ANK3: variants seen among roughly 807,000 people sequenced by gnomAD.
ANK3 encodes the protein ankyrin-3.
A neutral mutation model predicts 370.9 loss-of-function variants in ANK3; 57 were observed. The observed-to-expected ratio is 0.15, with a 90% CI of 0.12 to 0.19. The LOEUF is 0.19. Ranked by LOEUF, ANK3 falls within the 10% of genes least tolerant of loss-of-function variation. The probability of loss-of-function intolerance (pLI) is 1.00; values close to 1 mark genes in which losing one functional copy is unlikely to be tolerated. For synonymous variants in ANK3, 1,929 were observed against 1,946.3 expected, an observed-to-expected ratio of 0.99 and a Z score of 0.23; for missense variants, 4,439 against 5,302.1, an observed-to-expected ratio of 0.84 and a Z score of 5.06.
chr10:60,723,996 G>C (rs2132027968), intron 1 of ANK3, among the ~76,000 whole-genome samples: 1 of 148,256 alleles, frequency 6.7e-6, no homozygotes, highest in Middle Eastern at 3.4e-3. Flanking sequence ...TGATCACGAG[G>C]TCAGGAAATC....
Position 60,213,529 on chromosome 10 carries a change from ATCACC to A in ANK3, c.898-24_898-20del. 6.6e-7 allele frequency: 1 copy of A among 1,522,098 alleles called. No homozygotes were observed. Among genetic ancestry groups the A allele is most frequent in the Non-Finnish European group, 9.0e-7 (1 of 1,110,314 alleles). The allele number at this position is 1,522,098 out of a possible 1,614,324, so 94.3% of individuals were successfully genotyped here. A position where few individuals can be genotyped will look rare whatever the true frequency, so the allele number is the denominator to read the frequency against. On this transcript the variant is annotated intron_variant, in intron 8 of 43. Coordinates refer to ENST00000280772, the MANE Select transcript of ANK3 (RefSeq NM_020987.5). Reference sequence around the variant, plus strand: ...GACCATCCTGTTGAACAAAGGAAACATCACCAATTAAATTTGACAATAAATTCTAT... The same window carrying A: ...GACCATCCTGTTGAACAAAGGAAACAAATTAAATTTGACAATAAATTCTAT...
Position 60,070,707 on chromosome 10 carries a change from T to G in ANK3, c.10174A>C (p.Ile3392Leu). 1.2e-6 allele frequency: 2 copies of G among 1,614,204 alleles called. No individual in the cohort carries two copies. Among genetic ancestry groups the G allele is most frequent in the Non-Finnish European group, 8.5e-7 (1 of 1,180,026 alleles). The change falls in exon 37 of 44, where the codon ATC (isoleucine) becomes CTC (leucine). Residue 3392 changes from isoleucine to leucine, a missense_variant. Ile to Leu is a conservative substitution (Grantham distance 5). Coordinates refer to ENST00000280772, the MANE Select transcript of ANK3 (RefSeq NM_020987.5). The surrounding 1 kb of genome is among the most constrained non-coding windows in gnomAD (Gnocchi z 5.7). ...GTGGTGGCAATGGAACACTCTGTGATGGACTGGTCGTTGTTCCCATTCTGG... is the reference window on the plus strand; with the variant it reads ...GTGGTGGCAATGGAACACTCTGTGAGGGACTGGTCGTTGTTCCCATTCTGG... ...IAQNGNNDQSITECSIATTAE... is the reference protein window; with the variant it reads ...IAQNGNNDQSLTECSIATTAE...
chr10:60,642,997 C>T (rs528582912), intron 1 of ANK3, among the ~76,000 whole-genome samples: 180 of 152,116 alleles, frequency 1.2e-3, no homozygotes, highest in Admixed American at 2.2e-3. Flanking sequence ...ATTATTTTCA[C>T]TCTTATATTT....
intron 7 of ANK3, among the ~76,000 whole-genome samples, chr10:60,259,475 G>GT (rs1473505625): frequency 6.6e-5 from 10 of 152,226 alleles, no homozygotes; most frequent in African/African-American, 2.4e-4. Flanking sequence ...AAAGCACAGT[G>GT]TAAGTATTTT....
chr10:60,444,117 G>C lies in ANK3; in HGVS notation c.97-164478C>G, dbSNP rs574253538. On this transcript the variant is annotated intron_variant, in intron 2 of 43. Transcript: ENST00000373827. ...TAGCATGGGCACTTCTCAGTAATGG[G>C]ATTGTGTTTATTTTCTTCTTTTGGC... Among the ~76,000 whole-genome samples the C allele has an allele frequency of 2.6e-5, 4 of 151,584 alleles. No homozygotes were observed. In the East Asian group the frequency reaches 7.8e-4, roughly 29 times the overall value.
intron 1 of ANK3, among the ~76,000 whole-genome samples, chr10:60,672,584 C>G (rs1299493782): frequency 6.6e-6 from 1 of 152,220 alleles, no homozygotes; most frequent in East Asian, 1.9e-4. Context: ...AGGACCCTTC[C>G]AGACCTCACC....
Position 60,301,281 on chromosome 10 carries a change from C to T in ANK3, c.115-21642G>A, listed in dbSNP as rs973011130. 3.3e-5 allele frequency among the ~76,000 whole-genome samples: 5 copies of T among 149,272 alleles called. No individual in the cohort carries two copies. In the South Asian group the frequency reaches 1.1e-3, roughly 32 times the overall value. Reference sequence around the variant, plus strand: ...ACATGCACGCACACATATACACACGCACACATATACACACACATACATATA... The same window carrying T: ...ACATGCACGCACACATATACACACGTACACATATACACACACATACATATA... On this transcript the variant is annotated intron_variant, in intron 1 of 43. Coordinates refer to ENST00000280772, the MANE Select transcript of ANK3 (RefSeq NM_020987.5).
intron 2 of ANK3, among the ~76,000 whole-genome samples, chr10:60,490,189 A>G (rs1350491321): frequency 6.6e-6 from 1 of 151,264 alleles, no homozygotes; most frequent in Non-Finnish European, 1.5e-5. Flanking sequence ...CAAAGCATGA[A>G]TGTCTCAGCT....
At chr10:60,481,802 C>G (rs2075224658) in intron 2 of ANK3, among the ~76,000 whole-genome samples, 1 of 152,126 alleles carries the variant, frequency 6.6e-6, no homozygotes, top group African/African-American at 2.4e-5. Context: ...AACTGGAGAG[C>G]AAAAGCCGTC....
chr10:60,524,721 G>T (rs1340248876), intron 2 of ANK3, among the ~76,000 whole-genome samples: 1 of 152,024 alleles, frequency 6.6e-6, no homozygotes, highest in Non-Finnish European at 1.5e-5. Context: ...AAAAGCTGCT[G>T]ACTAAAACCA....
At chr10:60,278,325 TCACA>T (rs2098118588) in intron 4 of ANK3, among the ~76,000 whole-genome samples, 1 of 152,194 alleles carries the variant, frequency 6.6e-6, no homozygotes, top group Non-Finnish European at 1.5e-5. Context: ...AATCTCTCTC[TCACA>T]CACATATATA....
At chr10:60,492,360 T>C (rs2075530196) in intron 2 of ANK3, among the ~76,000 whole-genome samples, 1 of 152,126 alleles carries the variant, frequency 6.6e-6, no homozygotes, top group African/African-American at 2.4e-5. Context: ...GGGATAATGA[T>C]TGTCCTGAGA....
chr10:60,082,154 T>A lies in ANK3; in HGVS notation c.4346A>T (p.Asp1449Val). 6.2e-7 allele frequency: 1 copy of A among 1,610,342 alleles called. No individual in the cohort carries two copies. Among genetic ancestry groups the A allele is most frequent in the Non-Finnish European group, 8.5e-7 (1 of 1,177,920 alleles). The part of the protein sequence containing the change: ...HKKETESDQD[D>V]EIEKTDRRQS... ...AAGCAGAAGTGTTTATATTACCTCATCATCTTGATCTGACTCTGTCTCCTT... is the reference window on the plus strand; with the variant it reads ...AAGCAGAAGTGTTTATATTACCTCAACATCTTGATCTGACTCTGTCTCCTT... Residue 1449 changes from aspartate (D) to valine (V), a missense_variant, in exon 35 of 44, where the codon GAT becomes GTT. Physicochemically the swap from Asp to Val is radical, Grantham distance 152 (BLOSUM62 -3). Transcript: ENST00000280772.
At chr10:60,538,553 G>A (rs2076774613) in intron 2 of ANK3, among the ~76,000 whole-genome samples, 1 of 151,828 alleles carries the variant, frequency 6.6e-6, no homozygotes, top group Admixed American at 6.6e-5. Flanking sequence ...CAAGTATCCA[G>A]TCATGCATAT....
chr10:60,336,580 T>C (rs2052979594), intron 1 of ANK3, among the ~76,000 whole-genome samples: 1 of 151,852 alleles, frequency 6.6e-6, no homozygotes, highest in Admixed American at 6.6e-5. Context: ...TCTATCTATC[T>C]ATCTATCTAT....
At chr10:60,110,053 C>G (rs143646747) in intron 26 of ANK3, among the ~76,000 whole-genome samples, 1 of 152,254 alleles carries the variant, frequency 6.6e-6, no homozygotes, top group East Asian at 1.9e-4. Context: ...CAGATTACTA[C>G]TAGCACAGTA....
At chr10:60,571,650 C>T (rs2077602787) in intron 2 of ANK3, among the ~76,000 whole-genome samples, 1 of 152,140 alleles carries the variant, frequency 6.6e-6, no homozygotes, top group Non-Finnish European at 1.5e-5. Context: ...GTTACAGATG[C>T]ACAACTGTCT....
chr10:60,330,077 A>T (rs970612824), intron 1 of ANK3, among the ~76,000 whole-genome samples: 2 of 152,240 alleles, frequency 1.3e-5, no homozygotes, highest in South Asian at 4.1e-4. Context: ...AAAACTGGCT[A>T]GCCATATGCA....
chr10:60,263,597 A>G (rs959256938), intron 6 of ANK3, among the ~76,000 whole-genome samples: 10 of 152,174 alleles, frequency 6.6e-5, no homozygotes, highest in African/African-American at 1.9e-4. Flanking sequence ...ATAGAAATTG[A>G]TTTCTTCTGA....
Sources: gnomAD v4.1 joint callset for allele counts (sites outside exome capture counted in the v4.1 genomes callset) on GRCh38, gnomAD v4.1.1 for gene constraint, Gnocchi (gnomAD v3.1) non-coding constraint, MANE v1.5 for transcripts, NCBI Gene and HGNC (gene_info 2026-07-23, HGNC 2026-07-21) for gene names.